Variants in CTNNA3 observed in about 807,000 individuals in gnomAD.
CTNNA3 encodes catenin alpha-3.
CTNNA3 carries 76 observed loss-of-function variants against 95.7 expected under a neutral mutation model. The observed-to-expected ratio is 0.79, with a 90% CI of 0.66 to 0.96. CTNNA3 has a LOEUF of 0.96. CTNNA3 is among the 40% of genes least tolerant of loss of function. The probability of loss-of-function intolerance (pLI) is 0.00; values close to 1 mark genes in which losing one functional copy is unlikely to be tolerated. For synonymous variants in CTNNA3, 431 were observed against 374.4 expected, an observed-to-expected ratio of 1.15 and a Z score of -1.74; for missense variants, 1,191 against 1,089.8, an observed-to-expected ratio of 1.09 and a Z score of -1.31.
rs77557401 is a variant in CTNNA3 at position 66,342,751 on chromosome 10, A to G, written c.1732+36401T>C. 9.0e-3 allele frequency among the ~76,000 whole-genome samples: 1,368 copies of G among 152,160 alleles called. 19 individuals carry two copies. The highest frequency in any genetic ancestry group is 0.03 in the African/African-American group (1,248 of 41,554). ...ATGGACTACTTTAGGTAATGTTGTA[A>G]TATAAGCCACATCACAGGATCCTTT... is the stretch of plus-strand genomic sequence containing the variant. On this transcript the variant is annotated intron_variant, in intron 12 of 17. Transcript: ENST00000433211.
At chr10:66,971,122 G>A (rs1849697328) in intron 7 of CTNNA3, among the ~76,000 whole-genome samples, 1 of 152,038 alleles carries the variant, frequency 6.6e-6, no homozygotes, top group Non-Finnish European at 1.5e-5. Flanking sequence ...GCAGCAATGA[G>A]GCAGGATAGT....
intron 13 of CTNNA3, among the ~76,000 whole-genome samples, chr10:66,246,173 G>A (rs1007349014): frequency 1.3e-5 from 2 of 152,224 alleles, no homozygotes; most frequent in Non-Finnish European, 2.9e-5. Flanking sequence ...AGATCAGAGT[G>A]GGCACCACAC....
At chr10:66,299,386 G>T (rs1437982689) in intron 12 of CTNNA3, among the ~76,000 whole-genome samples, 1 of 152,142 alleles carries the variant, frequency 6.6e-6, no homozygotes, top group Non-Finnish European at 1.5e-5. Context: ...GGGGGTAGAA[G>T]AATAATTTTT....
At chr10:66,819,203 T>C (rs867126945) in intron 7 of CTNNA3, among the ~76,000 whole-genome samples, 5 of 151,620 alleles carry the variant, frequency 3.3e-5, no homozygotes, top group African/African-American at 9.7e-5. Flanking sequence ...CTTTGGTCAA[T>C]TGATATTTAG....
intron 6 of CTNNA3, among the ~76,000 whole-genome samples, chr10:67,187,783 A>C (rs1862927180): frequency 6.6e-6 from 1 of 151,980 alleles, no homozygotes; most frequent in Non-Finnish European, 1.5e-5. Flanking sequence ...ATGGGGTTTC[A>C]CCATGTTGCC....
chr10:67,512,980 C>T (rs887235576), intron 5 of CTNNA3, among the ~76,000 whole-genome samples: 8 of 152,138 alleles, frequency 5.3e-5, no homozygotes, highest in African/African-American at 1.9e-4. Context: ...GAGAGTCCAT[C>T]TCAAAAATAA....
At chr10:66,895,054 C>CAAAAAAAAAAAAAAAAAA (rs537843933) in intron 7 of CTNNA3, among the ~76,000 whole-genome samples, 4 of 115,584 alleles carry the variant, frequency 3.5e-5, no homozygotes, top group African/African-American at 1.3e-4. Flanking sequence ...AACAAATAAA[C>CAAAAAAAAAAAAAAAAAA]AAAAAAAAAA....
At chr10:66,437,795 T>G (rs1344393986) in intron 11 of CTNNA3, among the ~76,000 whole-genome samples, 1 of 152,224 alleles carries the variant, frequency 6.6e-6, no homozygotes, top group Non-Finnish European at 1.5e-5. Flanking sequence ...TTTGGAATTT[T>G]CAGCCTTTTT....
chr10:66,721,231 G>A (rs891186580), intron 9 of CTNNA3, among the ~76,000 whole-genome samples: 3 of 152,106 alleles, frequency 2.0e-5, no homozygotes, highest in Non-Finnish European at 4.4e-5. Flanking sequence ...TGAGGTACTT[G>A]GTTATGGGCA....
At chr10:66,330,966 AG>A (rs1240181843) in intron 12 of CTNNA3, among the ~76,000 whole-genome samples, 1 of 152,098 alleles carries the variant, frequency 6.6e-6, no homozygotes, top group Admixed American at 6.5e-5. Context: ...TCTGGATATT[AG>A]CCCTTTGTCA....
intron 14 of CTNNA3, among the ~76,000 whole-genome samples, chr10:66,072,248 C>T (rs894763141): frequency 6.6e-6 from 1 of 152,102 alleles, no homozygotes; most frequent in Non-Finnish European, 1.5e-5. Context: ...AATGTAAAGG[C>T]CATTCTTAGC....
intron 8 of CTNNA3, among the ~76,000 whole-genome samples, chr10:66,771,903 A>G (rs1331246314): frequency 6.6e-6 from 1 of 152,202 alleles, no homozygotes; most frequent in African/African-American, 2.4e-5. Flanking sequence ...TAAGTGTTCC[A>G]GGAAGAAAAA....
intron 15 of CTNNA3, among the ~76,000 whole-genome samples, chr10:66,066,035 G>A (rs1421271824): frequency 6.6e-6 from 1 of 151,760 alleles, no homozygotes; most frequent in Non-Finnish European, 1.5e-5. Flanking sequence ...AGCTAATTTT[G>A]TATTTTTAGT....
At chr10:67,241,528 T>C (rs1015029422) in intron 5 of CTNNA3, among the ~76,000 whole-genome samples, 1 of 152,208 alleles carries the variant, frequency 6.6e-6, no homozygotes, top group Non-Finnish European at 1.5e-5. Context: ...ATAAATATTT[T>C]TATCCTTGCA....
intron 7 of CTNNA3, among the ~76,000 whole-genome samples, chr10:67,006,408 T>C (rs1272804068): frequency 6.6e-6 from 1 of 152,172 alleles, no homozygotes. Context: ...TTTCTCCCTC[T>C]TTCTGTGCTA....
At chr10:66,915,817 T>A (rs1424829292) in intron 7 of CTNNA3, among the ~76,000 whole-genome samples, 2 of 151,216 alleles carry the variant, frequency 1.3e-5, no homozygotes, top group African/African-American at 4.9e-5. Context: ...GGTGCAATCT[T>A]AGCTCACTGC....
At chr10:67,634,711 A>C (rs1274704151) in intron 2 of CTNNA3, among the ~76,000 whole-genome samples, 1 of 152,224 alleles carries the variant, frequency 6.6e-6, no homozygotes, top group Non-Finnish European at 1.5e-5. Flanking sequence ...TAGAACAACA[A>C]AGATCAAAAA....
chr10:66,003,964 C>G (rs185609174), intron 15 of CTNNA3, among the ~76,000 whole-genome samples: 1 of 152,336 alleles, frequency 6.6e-6, no homozygotes, highest in East Asian at 1.9e-4. Flanking sequence ...CATGCCCACT[C>G]TGTTCCTAAA....
chr10:66,543,953 A>T (rs985541274), intron 10 of CTNNA3, among the ~76,000 whole-genome samples: 3 of 128,412 alleles, frequency 2.3e-5, no homozygotes, highest in Admixed American at 1.6e-4. Context: ...ATATATATAT[A>T]TTTGTTCTTC....
Sources: allele counts gnomAD v4.1 joint callset (sites outside exome capture counted in the v4.1 genomes callset), GRCh38; gene constraint gnomAD v4.1.1; transcripts MANE v1.5; gene names NCBI Gene and HGNC (gene_info 2026-07-23, HGNC 2026-07-21).